PRIM2: variants seen among roughly 807,000 people sequenced by gnomAD.
The protein encoded by PRIM2 is DNA primase subunit 2.
PRIM2 carries 39 observed loss-of-function variants against 67.3 expected under a neutral mutation model. The ratio of observed to expected loss-of-function variants is 0.58; its 90% CI spans 0.45 to 0.76. The LOEUF (loss-of-function observed/expected upper bound fraction) is 0.76. Ranked by LOEUF, PRIM2 falls within the 30% of genes least tolerant of loss-of-function variation. The pLI, the probability that PRIM2 is intolerant of heterozygous loss-of-function variation, is 0.00. For synonymous variants in PRIM2, 143 were observed against 198.7 expected, an observed-to-expected ratio of 0.72 and a Z score of 2.36; for missense variants, 398 against 598.7, an observed-to-expected ratio of 0.66 and a Z score of 3.50.
chr6:57,528,533 G>A (rs1345473064), intron 8 of PRIM2, among the ~76,000 whole-genome samples: 67 of 152,114 alleles, frequency 4.4e-4, no homozygotes, highest in African/African-American at 1.6e-3. Context: ...AATCTGGGCT[G>A]AGAACAACTT....
At chr6:57,494,349 G>A (rs1773960210) in intron 7 of PRIM2, among the ~76,000 whole-genome samples, 2 of 152,000 alleles carry the variant, frequency 1.3e-5, no homozygotes, top group African/African-American at 4.8e-5. Context: ...ACCAGGTAAG[G>A]GTTTTTTCAC....
chr6:57,442,653 A>G (rs950056061), intron 7 of PRIM2, among the ~76,000 whole-genome samples: 1 of 152,088 alleles, frequency 6.6e-6, no homozygotes, highest in African/African-American at 2.4e-5. Flanking sequence ...TGGTGCCATT[A>G]AAAGTTAATT....
rs777341431 is a variant in PRIM2 at position 57,345,463 on chromosome 6, G to GATAT, written c.459+19427_459+19430dup. 9.6e-3 allele frequency among the ~76,000 whole-genome samples: 1,030 copies of GATAT among 106,752 alleles called. 3 individuals carry two copies. The highest frequency in any genetic ancestry group is 0.019 in the Admixed American group (190 of 9,952). The allele number at this position is 106,752 out of a possible 152,430, so 70.0% of individuals were successfully genotyped here. A position where few individuals can be genotyped will look rare whatever the true frequency, so the allele number is the denominator to read the frequency against. Reference sequence around the variant, plus strand: ...TCTACAGGCGTGAGCCACCATGCCTGATATATATATATGTGTGTGTGTGTG... The same window carrying GATAT: ...TCTACAGGCGTGAGCCACCATGCCTGATATATATATATATATGTGTGTGTGTGTG... On this transcript the variant is annotated intron_variant, in intron 5 of 13. Transcript: ENST00000615550.
the PRIM2 span, among the ~76,000 whole-genome samples, chr6:57,300,527 C>T: frequency 1.3e-5 from 2 of 152,084 alleles, no homozygotes; most frequent in East Asian, 1.9e-4. Context: ...GCTCCAGACC[C>T]TTGAGTATGG....
intron 10 of PRIM2, among the ~76,000 whole-genome samples, chr6:57,547,615 G>A (rs1341974408): frequency 3.3e-5 from 5 of 152,322 alleles, no homozygotes; most frequent in Admixed American, 3.3e-4. Flanking sequence ...TTCAAAGCAT[G>A]TGTCCTGTCA....
chr6:57,645,477 G>A (rs1364191258), intron 13 of PRIM2, among the ~76,000 whole-genome samples: 1 of 151,228 alleles, frequency 6.6e-6, no homozygotes, highest in Admixed American at 6.6e-5. Flanking sequence ...AGGGCTTGGT[G>A]TAGATGGGAG....
chr6:57,591,375 T>C (rs1369681300), intron 10 of PRIM2, among the ~76,000 whole-genome samples: 2 of 152,306 alleles, frequency 1.3e-5, no homozygotes, highest in Admixed American at 6.5e-5. Context: ...CTTTTCCTCC[T>C]GGCAGATTCA....
the PRIM2 span, among the ~76,000 whole-genome samples, chr6:57,280,921 CTTT>C: frequency 6.6e-6 from 1 of 151,982 alleles, no homozygotes; most frequent in Non-Finnish European, 1.5e-5. Flanking sequence ...CATTTATATT[CTTT>C]TTTCCCTTTA....
chr6:57,482,583 T>C (rs1773654514), intron 7 of PRIM2, among the ~76,000 whole-genome samples: 1 of 133,500 alleles, frequency 7.5e-6, no homozygotes, highest in South Asian at 2.1e-4. Flanking sequence ...CATTCAGGGA[T>C]TTTTTCTTTT....
intron 5 of PRIM2, among the ~76,000 whole-genome samples, chr6:57,358,293 G>T (rs545499252): frequency 2.2e-4 from 34 of 152,338 alleles, no homozygotes; most frequent in African/African-American, 7.5e-4. Context: ...ATGGACATCA[G>T]ATTGCTCTTG....
intron 5 of PRIM2, among the ~76,000 whole-genome samples, chr6:57,360,186 T>C (rs9475871): frequency 6.6e-6 from 1 of 152,216 alleles, no homozygotes; most frequent in East Asian, 1.9e-4. Flanking sequence ...TACCAATATG[T>C]TCAGAGTACT....
the PRIM2 span, among the ~76,000 whole-genome samples, chr6:57,258,682 A>C: frequency 6.6e-6 from 1 of 151,970 alleles, no homozygotes; most frequent in South Asian, 2.1e-4. Context: ...CCACAGAAAA[A>C]GGCCAGTGTA....
intron 9 of PRIM2, among the ~76,000 whole-genome samples, chr6:57,536,823 T>C (rs1224453378): frequency 9.2e-5 from 14 of 152,152 alleles, no homozygotes; most frequent in African/African-American, 2.9e-4. Flanking sequence ...ATTAGGGAGC[T>C]GAGGGAGGGG....
At chr6:57,590,815 G>C (rs1436221531) in intron 10 of PRIM2, among the ~76,000 whole-genome samples, 4 of 152,166 alleles carry the variant, frequency 2.6e-5, no homozygotes, top group African/African-American at 9.6e-5. Flanking sequence ...TGTGCAGGAC[G>C]CTATACCAAG....
At chr6:57,443,585 G>A (rs529028762) in intron 7 of PRIM2, among the ~76,000 whole-genome samples, 51 of 152,108 alleles carry the variant, frequency 3.4e-4, no homozygotes, top group Middle Eastern at 3.4e-3. Context: ...CTGGTCCCTT[G>A]CCCATTTTTA....
intron 5 of PRIM2, among the ~76,000 whole-genome samples, chr6:57,362,428 A>G (rs5015808): frequency 3.9e-5 from 6 of 152,172 alleles, no homozygotes; most frequent in East Asian, 3.9e-4. Flanking sequence ...ATGTTGACTC[A>G]AAGCAAGTTT....
At chr6:57,247,738 C>T in the PRIM2 span, among the ~76,000 whole-genome samples, 1 of 152,094 alleles carries the variant, frequency 6.6e-6, no homozygotes. Context: ...CTTGAGGTTT[C>T]CTTTTGATAT....
chr6:57,529,727 C>A (rs1305403920), intron 8 of PRIM2, among the ~76,000 whole-genome samples: 1 of 152,002 alleles, frequency 6.6e-6, no homozygotes, highest in African/African-American at 2.4e-5. Context: ...TTGGAAAGGA[C>A]CCATGTAACA....
chr6:57,378,528 T>C (rs1769849907), intron 5 of PRIM2, among the ~76,000 whole-genome samples: 2 of 152,198 alleles, frequency 1.3e-5, no homozygotes, highest in Non-Finnish European at 2.9e-5. Flanking sequence ...CTATACCTTG[T>C]TATAAAATAC....
Sources: allele counts gnomAD v4.1 joint callset (sites outside exome capture counted in the v4.1 genomes callset), GRCh38; gene constraint gnomAD v4.1.1; transcripts MANE v1.5; gene names NCBI Gene and HGNC (gene_info 2026-07-23, HGNC 2026-07-21).